The following NIPA1 variants were observed in gnomAD, a reference collection of about 807,000 sequenced individuals.
The protein encoded by NIPA1 is NIPA magnesium transporter 1.
NIPA1 carries 13 observed loss-of-function variants against 23.9 expected under a neutral mutation model. The observed-to-expected ratio is 0.54, with a 90% CI of 0.35 to 0.87. NIPA1 has a LOEUF of 0.87. Ranked by LOEUF, NIPA1 falls within the 40% of genes least tolerant of loss-of-function variation. The probability of loss-of-function intolerance (pLI) is 0.01; values close to 1 mark genes in which losing one functional copy is unlikely to be tolerated. For synonymous variants in NIPA1, 234 were observed against 202.9 expected (o/e 1.15, Z -1.30); for missense variants, 362 against 429.7 (o/e 0.84, Z 1.39).
At chr15:22,795,764 G>A (rs1386243361) in intron 1 of NIPA1, among the ~76,000 whole-genome samples, 2 of 152,104 alleles carry the variant, frequency 1.3e-5, no homozygotes, top group Non-Finnish European at 2.9e-5. Context: ...GAATGCCAGG[G>A]GCAAGATACA....
chr15:22,796,055 C>A (rs993095775), intron 1 of NIPA1, among the ~76,000 whole-genome samples: 10 of 152,000 alleles, frequency 6.6e-5, no homozygotes, highest in Non-Finnish European at 1.5e-4. Flanking sequence ...CCCCAGCCTC[C>A]CGAGTAGCAC....
At chr15:22,810,484 A>G (rs570320883) in intron 1 of NIPA1, among the ~76,000 whole-genome samples, 7 of 152,236 alleles carry the variant, frequency 4.6e-5, no homozygotes, top group African/African-American at 1.4e-4. Flanking sequence ...TGTTGGGTGA[A>G]AGAAAACTGA....
chr15:22,810,912 C>T lies in NIPA1; in HGVS notation c.226+116C>T, dbSNP rs1895303349. 2.3e-5 allele frequency: 19 copies of T among 826,074 alleles called. 1 individual carries two copies. The highest frequency in any genetic ancestry group is 1.2e-4 in the South Asian group (9 of 75,128). 51.2% of individuals were successfully genotyped at this position (826,074 alleles called of 1,614,324 possible). On this transcript the variant is annotated intron_variant, in intron 2 of 4. Coordinates refer to ENST00000337435, the MANE Select transcript of NIPA1 (RefSeq NM_144599.5). ...CTCTGTTCTTTGGAAGAGGGTGTCG[C>T]GTGGCCTCTCCCCAGGCCCTAAGCG...
chr15:22,802,712 C>G (rs974605251), intron 1 of NIPA1, among the ~76,000 whole-genome samples: 3 of 152,072 alleles, frequency 2.0e-5, no homozygotes, highest in Non-Finnish European at 4.4e-5. Flanking sequence ...TGCCTCATCC[C>G]CCATACCAAG....
intron 3 of NIPA1, among the ~76,000 whole-genome samples, chr15:22,816,287 C>T (rs1895416087): frequency 7.3e-6 from 1 of 136,090 alleles, no homozygotes; most frequent in Admixed American, 8.4e-5. Flanking sequence ...CTCCCGGGTT[C>T]AAGTGATTCT....
Position 22,786,700 on chromosome 15 carries a change from C to A in NIPA1, c.44C>A (p.Ala15Glu). ...AAAAAAAAAA[A>E]AGEGARSPSP... Reference sequence around the variant, plus strand: ...GCAGCGGCGGCGGCGGCGGCGGCGGCGGCCGGGGAGGGGGCGCGTAGCCCG... The same window carrying A: ...GCAGCGGCGGCGGCGGCGGCGGCGGAGGCCGGGGAGGGGGCGCGTAGCCCG... The change falls in exon 1 of 5, where the codon GCG becomes GAG. Residue 15 changes from alanine (A) to glutamate (E), a missense_variant. Around this residue, in one of 2 missense-constraint regions of NIPA1, gnomAD observed 85 missense variants for 57.7 expected, o/e 1.47. Transcript: ENST00000337435. 1 of 1,131,060 alleles carries A rather than the reference C, an allele frequency of 8.8e-7. No individual in the cohort carries two copies. Among genetic ancestry groups the A allele is most frequent in the African/African-American group, 1.7e-5 (1 of 58,962 alleles). 70.1% of individuals were successfully genotyped at this position (1,131,060 alleles called of 1,614,324 possible). A position where few individuals can be genotyped will look rare whatever the true frequency, so the allele number is the denominator to read the frequency against.
intron 1 of NIPA1, among the ~76,000 whole-genome samples, chr15:22,801,394 GT>G (rs1595635101): frequency 1.3e-5 from 2 of 151,986 alleles, no homozygotes; most frequent in Non-Finnish European, 2.9e-5. Flanking sequence ...AGGCCTCAGG[GT>G]GCGTGGGGGC....
intron 1 of NIPA1, among the ~76,000 whole-genome samples, chr15:22,789,559 G>A (rs916059892): frequency 3.3e-5 from 5 of 152,120 alleles, no homozygotes; most frequent in Admixed American, 3.3e-4. Flanking sequence ...TAGTAAGTAG[G>A]AGAGAAAAGG....
Position 22,812,192 on chromosome 15 carries a change from G to T in NIPA1, c.256G>T (p.Ala86Ser). 1 of 1,613,690 alleles carries T rather than the reference G, an allele frequency of 6.2e-7. No individual in the cohort carries two copies. The highest frequency in any genetic ancestry group is 1.1e-5 in the South Asian group (1 of 91,068). Residue 86 changes from alanine to serine, a missense_variant, in exon 3 of 5, where the codon GCT becomes TCT. Transcript: ENST00000337435. ...TGTTGGCCAGATTGGAAACTTCCTG[G>T]CTTACACGGCGGTCCCCACGGTCCT... ...MAVGQIGNFL[A>S]YTAVPTVLVT...
At position 22,829,111 on chromosome 15, in the gene NIPA1, C is replaced by T. The variant is rs1265516124; in HGVS notation, c.*4872C>T. 6.6e-6 allele frequency: 1 copy of T among 152,182 alleles called. No homozygotes were observed. Among genetic ancestry groups the T allele is most frequent in the African/African-American group, 2.4e-5 (1 of 41,436 alleles). 9.4% of individuals were successfully genotyped at this position (152,182 alleles called of 1,614,324 possible). On this transcript the variant is annotated 3_prime_UTR_variant, in exon 5 of 5. Coordinates refer to ENST00000337435, the MANE Select transcript of NIPA1 (RefSeq NM_144599.5). ...TTTAAAAGAAAGGGTTTTATATGTT[C>T]TATTGTAAAATATGGAAATTAAACA...
At chr15:22,813,204 G>A (rs1026955891) in intron 3 of NIPA1, among the ~76,000 whole-genome samples, 3 of 152,128 alleles carry the variant, frequency 2.0e-5, no homozygotes, top group South Asian at 2.1e-4. Flanking sequence ...TGAAGTTTTT[G>A]CCCATGCCAA....
intron 1 of NIPA1, among the ~76,000 whole-genome samples, chr15:22,798,568 G>T (rs1400646595): frequency 6.7e-6 from 1 of 149,298 alleles, no homozygotes; most frequent in Admixed American, 6.7e-5. Flanking sequence ...AAAAAAACCG[G>T]CAGGGTGCAC....
Position 22,824,070 on chromosome 15 carries a change from T to C in NIPA1, c.821T>C (p.Leu274Pro). 2 of 1,614,168 alleles carry C rather than the reference T, an allele frequency of 1.2e-6. No homozygotes were observed. Among genetic ancestry groups the C allele is most frequent in the Non-Finnish European group, 1.7e-6 (2 of 1,179,988 alleles). Reference sequence around the variant, plus strand: ...GTCGTGTTTACCACGCTGGTCCTGCTGGCCTCAGCCATCCTCTTCCGGGAG... The same window carrying C: ...GTCGTGTTTACCACGCTGGTCCTGCCGGCCTCAGCCATCCTCTTCCGGGAG... ...YYVVFTTLVL[L>P]ASAILFREWS... is the part of the protein sequence containing the mutation. Residue 274 changes from leucine to proline, a missense_variant, in exon 5 of 5, where the codon CTG becomes CCG. By Grantham distance (98) the Leu-to-Pro change is moderately conservative. This residue lies in a region of NIPA1 where 277 missense variants were observed against 372.0 expected (regional missense o/e 0.74). Coordinates refer to ENST00000337435, the MANE Select transcript of NIPA1 (RefSeq NM_144599.5). This position sits in a 1 kb window ranked among gnomAD's most constrained non-coding sequence, Gnocchi z 4.1.
intron 2 of NIPA1, among the ~76,000 whole-genome samples, chr15:22,811,332 G>T (rs1202605227): frequency 2.6e-5 from 4 of 152,276 alleles, no homozygotes; most frequent in African/African-American, 7.2e-5. Flanking sequence ...GTTTGGCCAG[G>T]CATGGTGGCT....
intron 2 of NIPA1, among the ~76,000 whole-genome samples, chr15:22,811,643 A>G (rs1895319496): frequency 6.6e-6 from 1 of 152,138 alleles, no homozygotes; most frequent in Non-Finnish European, 1.5e-5. Flanking sequence ...TGTTTGTCAC[A>G]TTTGTCTTTT....
At chr15:22,801,775 A>T (rs975808744) in intron 1 of NIPA1, among the ~76,000 whole-genome samples, 5 of 151,954 alleles carry the variant, frequency 3.3e-5, no homozygotes, top group Admixed American at 2.6e-4. Flanking sequence ...TTGGCCTCCC[A>T]AAGTGTTAGG....
rs1895637307 is a variant in NIPA1 at position 22,825,739 on chromosome 15, A to G, written c.*1500A>G. 6.6e-6 allele frequency: 1 copy of G among 152,626 alleles called. No individual in the cohort carries two copies. Among genetic ancestry groups the G allele is most frequent in the Admixed American group, 6.5e-5 (1 of 15,288 alleles). The allele number at this position is 152,626 out of a possible 1,614,324, so 9.5% of individuals were successfully genotyped here. Reference sequence around the variant, plus strand: ...TTGAAAGATTTTCTAACAAAAAGCCAATAAATGTAGCCATCTCCTTGTTGT... The same window carrying G: ...TTGAAAGATTTTCTAACAAAAAGCCGATAAATGTAGCCATCTCCTTGTTGT... On this transcript the variant is annotated 3_prime_UTR_variant, in exon 5 of 5. Transcript: ENST00000337435.
chr15:22,816,123 A>T (rs1403973337), intron 3 of NIPA1, among the ~76,000 whole-genome samples: 1 of 151,192 alleles, frequency 6.6e-6, no homozygotes, highest in African/African-American at 2.4e-5. Context: ...ATTAAAAGGC[A>T]TCCATATTGG....
At chr15:22,812,048 A>C (rs1312892450) in intron 2 of NIPA1, 115 bp from the exon 3 acceptor site, 2 of 820,640 alleles carry the variant, frequency 2.4e-6, no homozygotes, top group East Asian at 5.6e-5. Flanking sequence ...GATTCTTCAC[A>C]AGTAATGTGA....
Sources: allele counts gnomAD v4.1 joint callset (sites outside exome capture counted in the v4.1 genomes callset), GRCh38; gene constraint gnomAD v4.1.1; regional missense constraint gnomAD v4.1.1; non-coding constraint Gnocchi (gnomAD v3.1); transcripts MANE v1.5; gene names NCBI Gene and HGNC (gene_info 2026-07-23, HGNC 2026-07-21).